Variants in DNAH14 observed in about 807,000 individuals in gnomAD.
DNAH14 encodes the protein dynein axonemal heavy chain 14.
DNAH14 carries 478 observed loss-of-function variants against 520.9 expected under a neutral mutation model. The ratio of observed to expected loss-of-function variants is 0.92; its 90% CI spans 0.85 to 0.99. The LOEUF is 0.99. Among genes scored for constraint, DNAH14 ranks in the 50% least tolerant of loss-of-function variants. The probability of loss-of-function intolerance (pLI) is 0.00; values close to 1 mark genes in which losing one functional copy is unlikely to be tolerated. For missense variants in DNAH14, 4,831 were observed against 5,234.5 expected (o/e 0.92, Z 2.38); for synonymous variants, 1,581 against 1,757.2 (o/e 0.90, Z 2.51).
chr1:224,946,072 G>A (rs895273476), intron 1 of DNAH14, among the ~76,000 whole-genome samples: 1 of 152,148 alleles, frequency 6.6e-6, no homozygotes, highest in Non-Finnish European at 1.5e-5. Flanking sequence ...GTTTGGCTAT[G>A]CCCTGCCCCC....
At chr1:225,323,215 C>T (rs1445160496) in intron 62 of DNAH14, among the ~76,000 whole-genome samples, 1 of 152,126 alleles carries the variant, frequency 6.6e-6, no homozygotes, top group East Asian at 1.9e-4. Context: ...CTGTGCCTTG[C>T]CAATATGCCG....
intron 1 of DNAH14, among the ~76,000 whole-genome samples, chr1:224,937,884 G>A (rs1049092984): frequency 2.0e-5 from 3 of 151,910 alleles, no homozygotes; most frequent in South Asian, 2.1e-4. Context: ...AGAGAACCCC[G>A]GTATAAATTC....
At chr1:225,156,036 G>C (rs1245017982) in intron 34 of DNAH14, among the ~76,000 whole-genome samples, 1 of 151,902 alleles carries the variant, frequency 6.6e-6, no homozygotes, top group Non-Finnish European at 1.5e-5. Context: ...TCCCGTCCCT[G>C]TCCCTTCCTT....
At chr1:225,025,073 C>T (rs763655546) in intron 11 of DNAH14, among the ~76,000 whole-genome samples, 4 of 152,092 alleles carry the variant, frequency 2.6e-5, no homozygotes, top group African/African-American at 4.8e-5. Context: ...CACAGTGGCT[C>T]ACACCTGTAA....
chr1:225,369,262 T>C (rs1160060201), intron 77 of DNAH14, among the ~76,000 whole-genome samples: 1 of 152,152 alleles, frequency 6.6e-6, no homozygotes, highest in East Asian at 1.9e-4. Context: ...TTATTAAGTG[T>C]AAATGGATGC....
chr1:225,335,352 T>TACAA (rs199613326), intron 66 of DNAH14, among the ~76,000 whole-genome samples: 1 of 37,328 alleles, frequency 2.7e-5, no homozygotes, highest in Non-Finnish European at 5.1e-5. Context: ...TGTGTGTATA[T>TACAA]GCATATACAC....
At chr1:225,112,044 A>T (rs751757890) in intron 23 of DNAH14, among the ~76,000 whole-genome samples, 1 of 152,008 alleles carries the variant, frequency 6.6e-6, no homozygotes, top group African/African-American at 2.4e-5. Flanking sequence ...TTTGTCTTTT[A>T]GCCTTTCTAC....
intron 77 of DNAH14, among the ~76,000 whole-genome samples, chr1:225,371,531 A>T (rs1164086585): frequency 6.6e-6 from 1 of 152,206 alleles, no homozygotes; most frequent in Non-Finnish European, 1.5e-5. Context: ...AAGGATGCCC[A>T]TTATCACCAC....
chr1:225,252,796 T>C (rs922840840), intron 44 of DNAH14, among the ~76,000 whole-genome samples: 2 of 152,132 alleles, frequency 1.3e-5, no homozygotes, highest in Non-Finnish European at 2.9e-5. Context: ...TAATTATAAA[T>C]GAAAATGCTA....
intron 78 of DNAH14, among the ~76,000 whole-genome samples, chr1:225,376,987 CT>C (rs1479209467): frequency 1.3e-5 from 2 of 150,064 alleles, no homozygotes; most frequent in Non-Finnish European, 3.0e-5. Context: ...TTTTCTTTCT[CT>C]CTTTTCCCAA....
In DNAH14 at chr1:225,168,004, T is replaced by C; in HGVS notation, c.5511T>C (p.Ile1837=). 6.5e-7 allele frequency: 1 copy of C among 1,535,112 alleles called. No individual in the cohort carries two copies. The highest frequency in any genetic ancestry group is 8.8e-7 in the Non-Finnish European group (1 of 1,137,358). The change falls in exon 36 of 86, where the codon ATT becomes ATC. Residue 1837 remains isoleucine (I), a synonymous_variant. Transcript: ENST00000682510. The stretch of plus-strand genomic sequence containing the variant: ...ACTGGTCATCTCAGAAAGAGAAGAT[T>C]ATACAGTTTTATAATCAACTTCAGG... The part of the protein sequence containing the change: ...LQNWSSQKEK[I]IQFYNQLQVC...
intron 20 of DNAH14, among the ~76,000 whole-genome samples, chr1:225,083,756 T>C (rs1221209121): frequency 2.0e-5 from 3 of 152,168 alleles, no homozygotes; most frequent in Admixed American, 6.5e-5. Context: ...CCAACTGATA[T>C]ACATGCCCAA....
intron 61 of DNAH14, among the ~76,000 whole-genome samples, 198 bp downstream of exon 61, chr1:225,318,875 A>G (rs2094511565): frequency 6.6e-6 from 1 of 152,144 alleles, no homozygotes. Flanking sequence ...TATCAATTTT[A>G]TGATGCCTTC....
intron 15 of DNAH14, among the ~76,000 whole-genome samples, chr1:225,048,320 G>A (rs1436216488): frequency 1.3e-5 from 2 of 152,114 alleles, no homozygotes; most frequent in African/African-American, 4.8e-5. Context: ...AGGCAAGATG[G>A]TGAAACCCTG....
intron 1 of DNAH14, among the ~76,000 whole-genome samples, chr1:224,935,002 G>A (rs1461469737): frequency 6.6e-6 from 1 of 151,710 alleles, no homozygotes; most frequent in Non-Finnish European, 1.5e-5. Flanking sequence ...CCCCTAAGAA[G>A]TGCTCAAGGG....
chr1:224,964,500 T>C lies in DNAH14; in HGVS notation c.389T>C (p.Ile130Thr), dbSNP rs1315796057. ...CCAGAACCAAAAGATGATGATGTGA[T>C]AAGAAATATTATTAGGCTACGAGAA... is the stretch of plus-strand genomic sequence containing the variant. The part of the protein sequence containing the change: ...DRTEPKDDDV[I>T]RNIIRLREKL... The change falls in exon 5 of 86, where the codon ATA (isoleucine) becomes ACA (threonine). Residue 130 changes from isoleucine (I) to threonine (T), a missense_variant. Coordinates refer to ENST00000682510, the MANE Select transcript of DNAH14 (RefSeq NM_001367479.1). 1 of 1,609,198 alleles carries C rather than the reference T, an allele frequency of 6.2e-7. No individual in the cohort carries two copies. The highest frequency in any genetic ancestry group is 1.1e-5 in the South Asian group (1 of 90,162).
At chr1:225,293,030 T>G (rs2093927627) in intron 55 of DNAH14, among the ~76,000 whole-genome samples, 1 of 152,144 alleles carries the variant, frequency 6.6e-6, no homozygotes, top group Non-Finnish European at 1.5e-5. Context: ...CAGACACTTT[T>G]CAAAAGAAGA....
At chr1:225,244,566 C>A (rs1327689453) in intron 43 of DNAH14, among the ~76,000 whole-genome samples, 1 of 152,082 alleles carries the variant, frequency 6.6e-6, no homozygotes, top group African/African-American at 2.4e-5. Flanking sequence ...CATCTTCTTC[C>A]TGGTTTAGTC....
At chr1:225,122,468 G>A (rs6686694) in intron 26 of DNAH14, among the ~76,000 whole-genome samples, 48,935 of 151,926 alleles carry the variant, frequency 0.32, 13,839 homozygotes, top group African/African-American at 0.76. Flanking sequence ...CACGTTTTAA[G>A]TATTCCATAT....
Sources: gnomAD v4.1 joint callset for allele counts (sites outside exome capture counted in the v4.1 genomes callset) on GRCh38, gnomAD v4.1.1 for gene constraint, MANE v1.5 for transcripts, NCBI Gene and HGNC (gene_info 2026-07-23, HGNC 2026-07-21) for gene names.